Variants in RAD18 observed in about 807,000 individuals in gnomAD.
The protein encoded by RAD18 is RAD18 E3 ubiquitin protein ligase, also known as E3 ubiquitin-protein ligase RAD18.
A neutral mutation model predicts 60.4 loss-of-function variants in RAD18; 47 were observed. The ratio of observed to expected loss-of-function variants is 0.78; its 90% CI spans 0.62 to 0.99. The LOEUF is 0.99. Ranked by LOEUF, RAD18 falls within the 50% of genes least tolerant of loss-of-function variation. The pLI is 0.00. For synonymous variants in RAD18, 225 were observed against 195.5 expected, an observed-to-expected ratio of 1.15 and a Z score of -1.26; for missense variants, 640 against 593.3, an observed-to-expected ratio of 1.08 and a Z score of -0.82.
At chr3:8,936,905 C>T (rs115680521) in intron 6 of RAD18, among the ~76,000 whole-genome samples, 1,988 of 152,026 alleles carry the variant, frequency 0.013, 17 homozygotes, top group Non-Finnish European at 0.02. Flanking sequence ...CTGATATAAA[C>T]GGTCCAATAA....
rs1229051685 is a variant in RAD18, at chr3:8,880,446, C to T, written c.*911G>A. On this transcript the variant is annotated 3_prime_UTR_variant, in exon 13 of 13. Transcript: ENST00000264926. ...AGAGAGGCATTAAGAACTCTGGAAGCATCTGGCTACTGGTAGACATTTTAC... is the reference window on the plus strand; with the variant it reads ...AGAGAGGCATTAAGAACTCTGGAAGTATCTGGCTACTGGTAGACATTTTAC... 1 of 152,202 alleles carries T rather than the reference C, an allele frequency of 6.6e-6. No individual in the cohort carries two copies. Among genetic ancestry groups the T allele is most frequent in the Admixed American group, 6.5e-5 (1 of 15,284 alleles). 9.4% of individuals were successfully genotyped at this position (152,202 alleles called of 1,614,324 possible).
chr3:8,893,532 T>C (rs1226285575), intron 11 of RAD18, among the ~76,000 whole-genome samples: 1 of 152,116 alleles, frequency 6.6e-6, no homozygotes, highest in Non-Finnish European at 1.5e-5. Context: ...AACAATAGCT[T>C]ATATGCCAAA....
intron 11 of RAD18, among the ~76,000 whole-genome samples, chr3:8,897,530 C>G (rs909426591): frequency 1.3e-5 from 2 of 152,146 alleles, no homozygotes; most frequent in Admixed American, 1.3e-4. Context: ...CCCAGTTGGA[C>G]CAGATAAATA....
chr3:8,892,183 C>A (rs986356663), intron 11 of RAD18, among the ~76,000 whole-genome samples: 3 of 152,186 alleles, frequency 2.0e-5, no homozygotes, highest in Non-Finnish European at 4.4e-5. Flanking sequence ...CAAGCCTACA[C>A]AACTGCAGCT....
chr3:8,895,700 CAT>C (rs1211174915), intron 11 of RAD18, among the ~76,000 whole-genome samples: 1 of 152,090 alleles, frequency 6.6e-6, no homozygotes, highest in Non-Finnish European at 1.5e-5. Flanking sequence ...AATCAAATGA[CAT>C]AAAAGATGTA....
At chr3:8,963,191 T>C in intron 1 of RAD18, 144 bp downstream of exon 1, 1 of 869,550 alleles carries the variant, frequency 1.2e-6, no homozygotes, top group Non-Finnish European at 1.7e-6. Context: ...CGCGGTCGGC[T>C]AGTGGCAGGG....
At chr3:8,929,366 A>T (rs1940508071) in intron 7 of RAD18, among the ~76,000 whole-genome samples, 1 of 152,160 alleles carries the variant, frequency 6.6e-6, no homozygotes, top group African/African-American at 2.4e-5. Context: ...AAAAAAGAAG[A>T]CACATTTTCA....
rs560919723 is a variant in RAD18 at position 8,939,168 on chromosome 3, C to G, written c.704+386G>C. Among the ~76,000 whole-genome samples, 33 of 151,934 alleles carry G rather than the reference C, an allele frequency of 2.2e-4. 1 individual carries two copies. The highest frequency in any genetic ancestry group is 1.1e-3 in the Admixed American group (17 of 15,260). ...TTAAATTTTAAAACTTCTGAGCATCCTAAAGATCAGAGAAAGGTTTTTTAT... is the reference window on the plus strand; with the variant it reads ...TTAAATTTTAAAACTTCTGAGCATCGTAAAGATCAGAGAAAGGTTTTTTAT... On this transcript the variant is annotated intron_variant, in intron 6 of 12. Coordinates refer to ENST00000264926, the MANE Select transcript of RAD18 (RefSeq NM_020165.4).
chr3:8,959,308 C>G (rs1941060363), intron 1 of RAD18, among the ~76,000 whole-genome samples: 1 of 152,242 alleles, frequency 6.6e-6, no homozygotes, highest in Non-Finnish European at 1.5e-5. Flanking sequence ...TGTTCCACTT[C>G]TAATGCGCTT....
chr3:8,916,780 C>CA (rs2125056794), intron 7 of RAD18, among the ~76,000 whole-genome samples: 1 of 151,034 alleles, frequency 6.6e-6, no homozygotes, highest in Admixed American at 6.6e-5. Flanking sequence ...TGGTATTATC[C>CA]AATCTGAAAC....
At chr3:8,882,300 T>A (rs1939479034) in intron 12 of RAD18, among the ~76,000 whole-genome samples, 1 of 152,186 alleles carries the variant, frequency 6.6e-6, no homozygotes, top group South Asian at 2.1e-4. Context: ...GGGAGGCATA[T>A]GACCTCATTT....
At chr3:8,938,907 G>A (rs1940698496) in intron 6 of RAD18, among the ~76,000 whole-genome samples, 2 of 152,066 alleles carry the variant, frequency 1.3e-5, no homozygotes, top group Non-Finnish European at 2.9e-5. Flanking sequence ...CAACTTATAT[G>A]TGTAACAATA....
chr3:8,908,276 T>G (rs1158446653), intron 9 of RAD18, among the ~76,000 whole-genome samples: 1 of 150,464 alleles, frequency 6.6e-6, no homozygotes, highest in Non-Finnish European at 1.5e-5. Flanking sequence ...TTTAAGCATT[T>G]TTTTTTTTCT....
chr3:8,914,441 A>T (rs1940160420), intron 7 of RAD18, among the ~76,000 whole-genome samples: 1 of 152,246 alleles, frequency 6.6e-6, no homozygotes, highest in Non-Finnish European at 1.5e-5. Flanking sequence ...TAGATAAAAC[A>T]ACATTCAGAC....
At position 8,879,326 on chromosome 3, in the gene RAD18, AC is replaced by A. The variant is rs1299086870; in HGVS notation, c.*2030del. On this transcript the variant is annotated 3_prime_UTR_variant, in exon 13 of 13. Transcript: ENST00000264926. ...GGTAACTGAAGTAAAATGAGGCCAT[AC>A]GCATGGGCCCTGATCCAATGACTGC... is the stretch of plus-strand genomic sequence containing the variant. 2 of 152,194 alleles carry A rather than the reference AC, an allele frequency of 1.3e-5. No homozygotes were observed. 9.4% of individuals were successfully genotyped at this position (152,194 alleles called of 1,614,324 possible).
chr3:8,925,125 G>C (rs961273689), intron 7 of RAD18, among the ~76,000 whole-genome samples: 1 of 152,044 alleles, frequency 6.6e-6, no homozygotes, highest in African/African-American at 2.4e-5. Context: ...TCCAGGAGCT[G>C]GTTTTTTGAA....
At chr3:8,937,517 AG>A (rs1472523850) in intron 6 of RAD18, among the ~76,000 whole-genome samples, 1 of 151,784 alleles carries the variant, frequency 6.6e-6, no homozygotes, top group African/African-American at 2.4e-5. Context: ...AGAAGGGTTA[AG>A]GGCTGCCACT....
chr3:8,935,785 A>T, intron 7 of RAD18, 86 bp downstream of exon 7: 2 of 1,220,498 alleles, frequency 1.6e-6, no homozygotes, highest in South Asian at 1.7e-5. Flanking sequence ...TTTATTTACA[A>T]TATTTTTCTA....
intron 1 of RAD18, 103 bp from the exon 2 acceptor site, chr3:8,959,104 T>C: frequency 1.2e-6 from 1 of 866,536 alleles, no homozygotes; most frequent in Non-Finnish European, 1.9e-6. Context: ...TCAAACTCTT[T>C]GTCAAATACA....
Sources: allele counts gnomAD v4.1 joint callset (sites outside exome capture counted in the v4.1 genomes callset), GRCh38; gene constraint gnomAD v4.1.1; transcripts MANE v1.5; gene names NCBI Gene and HGNC (gene_info 2026-07-23, HGNC 2026-07-21).